The following CERS3 variants were observed in gnomAD, a reference collection of about 807,000 sequenced individuals.
CERS3 encodes the protein ceramide synthase 3.
CERS3 carries 33 observed loss-of-function variants against 50.3 expected under a neutral mutation model. The observed-to-expected ratio is 0.66, with a 90% CI of 0.50 to 0.88. The LOEUF is 0.88. CERS3 is among the 40% of genes least tolerant of loss of function. The pLI is 0.00. For synonymous variants in CERS3, 176 were observed against 155.2 expected, an observed-to-expected ratio of 1.13 and a Z score of -0.99; for missense variants, 470 against 460.3, an observed-to-expected ratio of 1.02 and a Z score of -0.19.
chr15:100,457,494 T>C (rs940626336), intron 10 of CERS3, among the ~76,000 whole-genome samples: 2 of 152,248 alleles, frequency 1.3e-5, no homozygotes, highest in African/African-American at 4.8e-5. Flanking sequence ...TCAGTTGTCA[T>C]GGTTATCAAT....
upstream of CERS3, among the ~76,000 whole-genome samples, chr15:100,529,900 G>A (rs551523938): frequency 6.6e-6 from 1 of 152,060 alleles, no homozygotes. Flanking sequence ...AATTAAAAAT[G>A]GACTAGATGC....
intron 11 of CERS3, among the ~76,000 whole-genome samples, chr15:100,445,666 G>A (rs1034525639): frequency 5.3e-5 from 8 of 151,922 alleles, no homozygotes; most frequent in East Asian, 1.9e-4. Flanking sequence ...TTCCCACGCC[G>A]CCCCTAATCC....
At chr15:100,454,916 G>T (rs991422825) in intron 11 of CERS3, among the ~76,000 whole-genome samples, 1 of 151,960 alleles carries the variant, frequency 6.6e-6, no homozygotes, top group African/African-American at 2.4e-5. Flanking sequence ...CATTAAAAAG[G>T]GGCAAAGGAC....
intron 3 of CERS3, 69 bp from the exon 4 acceptor site, chr15:100,491,000 A>T: frequency 1.1e-6 from 1 of 917,760 alleles, no homozygotes; most frequent in Non-Finnish European, 1.7e-6. Context: ...CAGAAAATTA[A>T]AGCTGTAACT....
At chr15:100,487,620 G>A (rs562379494) in intron 4 of CERS3, among the ~76,000 whole-genome samples, 48 of 152,294 alleles carry the variant, frequency 3.2e-4, no homozygotes, top group African/African-American at 1.1e-3. Flanking sequence ...ACAGCCTCAA[G>A]GAGAGGTCGA....
At chr15:100,474,221 C>A (rs1407316851) in intron 8 of CERS3, among the ~76,000 whole-genome samples, 1 of 152,064 alleles carries the variant, frequency 6.6e-6, no homozygotes, top group Non-Finnish European at 1.5e-5. Flanking sequence ...GATGATTGCA[C>A]AACTCTGAAT....
chr15:100,483,025 T>G (rs770206454), intron 5 of CERS3, among the ~76,000 whole-genome samples: 3 of 152,232 alleles, frequency 2.0e-5, no homozygotes, highest in Admixed American at 1.3e-4. Flanking sequence ...CCACTTACTG[T>G]GTCCTGAATA....
chr15:100,519,140 C>G (rs981917969), intron 2 of CERS3, among the ~76,000 whole-genome samples: 3 of 147,494 alleles, frequency 2.0e-5, no homozygotes, highest in Non-Finnish European at 4.5e-5. Flanking sequence ...GCCTGGGCGA[C>G]AGAGAGAGAC....
chr15:100,406,154 T>C (rs1443304051), intron 11 of CERS3, among the ~76,000 whole-genome samples: 3 of 152,200 alleles, frequency 2.0e-5, no homozygotes, highest in African/African-American at 7.2e-5. Context: ...AAGGATGATA[T>C]GAATTATTAA....
chr15:100,526,513 T>TGTGTGTGTGTGTGTGA (rs71151963), intron 1 of CERS3, among the ~76,000 whole-genome samples: 1 of 151,538 alleles, frequency 6.6e-6, no homozygotes, highest in Non-Finnish European at 1.5e-5. Flanking sequence ...TGTGTGTGTG[T>TGTGTGTGTGTGTGTGA]AAAAACAACT....
rs1355767464 is a variant in CERS3 at position 100,420,099 on chromosome 15, A to G, written c.1000-17234T>C. 1.5e-3 allele frequency among the ~76,000 whole-genome samples: 218 copies of G among 147,388 alleles called. 1 individual carries two copies. Among genetic ancestry groups the G allele is most frequent in the African/African-American group, 1.3e-4 (5 of 39,882 alleles). ...CTAAAATCAGAGCAGAACTGAAGGA[A>G]ATAGAGACACAAAAACCCTTCAAAA... On this transcript the variant is annotated intron_variant, in intron 11 of 11. Transcript: ENST00000679737.
chr15:100,435,423 C>CA (rs1435512051), intron 11 of CERS3, among the ~76,000 whole-genome samples: 5 of 152,100 alleles, frequency 3.3e-5, no homozygotes, highest in Non-Finnish European at 7.4e-5. Flanking sequence ...TAGCCATACA[C>CA]AAAAAACAGA....
At chr15:100,477,976 G>A (rs2035184189) in intron 7 of CERS3, among the ~76,000 whole-genome samples, 1 of 152,168 alleles carries the variant, frequency 6.6e-6, no homozygotes, top group Non-Finnish European at 1.5e-5. Context: ...TGTGAAGGAA[G>A]ATAATATCAT....
upstream of CERS3, among the ~76,000 whole-genome samples, chr15:100,533,479 GTTCTTTTCTTTTCTTTTCTCCT>G (rs1049544332): frequency 1.3e-5 from 2 of 151,326 alleles, no homozygotes; most frequent in African/African-American, 4.9e-5. Flanking sequence ...AATTCATTGG[GTTCTTTTCTTTTCTTTTCTCCT>G]TTCTTTTCTT....
chr15:100,503,391 A>T (rs2036068679), intron 2 of CERS3, among the ~76,000 whole-genome samples: 1 of 152,184 alleles, frequency 6.6e-6, no homozygotes, highest in African/African-American at 2.4e-5. Flanking sequence ...ACAATAAATC[A>T]TATGATCACC....
At chr15:100,460,345 A>G (rs533654323) in intron 10 of CERS3, among the ~76,000 whole-genome samples, 3 of 152,152 alleles carry the variant, frequency 2.0e-5, no homozygotes, top group Non-Finnish European at 2.9e-5. Context: ...GCTACCTGAC[A>G]CTTGGTAGTA....
chr15:100,444,695 A>G (rs1261478745), intron 11 of CERS3, among the ~76,000 whole-genome samples: 1 of 152,330 alleles, frequency 6.6e-6, no homozygotes, highest in Non-Finnish European at 1.5e-5. Context: ...CATCAAGCTC[A>G]GGGATTTGCC....
intron 11 of CERS3, among the ~76,000 whole-genome samples, chr15:100,431,599 A>G (rs1362830600): frequency 1.3e-5 from 2 of 152,216 alleles, no homozygotes; most frequent in Non-Finnish European, 2.9e-5. Context: ...TTTAAAAAAT[A>G]GACCCAGTAA....
chr15:100,522,170 C>T (rs979892420), intron 1 of CERS3, among the ~76,000 whole-genome samples: 1 of 152,168 alleles, frequency 6.6e-6, no homozygotes, highest in Non-Finnish European at 1.5e-5. Flanking sequence ...GTAACTTGAA[C>T]AGAGATAATA....
Sources: allele counts gnomAD v4.1 joint callset (sites outside exome capture counted in the v4.1 genomes callset), GRCh38; gene constraint gnomAD v4.1.1; transcripts MANE v1.5; gene names NCBI Gene and HGNC (gene_info 2026-07-23, HGNC 2026-07-21).